The following TSPAN9 variants were observed in gnomAD, a reference collection of about 807,000 sequenced individuals.
TSPAN9 encodes the protein tetraspanin 9, also known as tetraspanin-9.
Under a neutral mutation model 31.0 loss-of-function variants are expected in TSPAN9, and 16 were observed. That is an observed-to-expected ratio of 0.52 (90% CI 0.35 to 0.78). TSPAN9 has a LOEUF of 0.78. Among genes scored for constraint, TSPAN9 ranks in the 30% least tolerant of loss-of-function variants. TSPAN9 has a pLI of 0.01. For synonymous variants in TSPAN9, 145 were observed against 121.6 expected (o/e 1.19, Z -1.27); for missense variants, 272 against 312.5 (o/e 0.87, Z 0.98).
At chr12:3,204,892 G>A (rs879453586) in intron 3 of TSPAN9, among the ~76,000 whole-genome samples, 5 of 152,168 alleles carry the variant, frequency 3.3e-5, no homozygotes, top group Non-Finnish European at 7.3e-5. Context: ...GGGTCCTCCT[G>A]GGGCCATCTG....
At chr12:3,215,076 C>T (rs2098380675) in intron 3 of TSPAN9, among the ~76,000 whole-genome samples, 1 of 152,108 alleles carries the variant, frequency 6.6e-6, no homozygotes, top group Admixed American at 6.5e-5. Context: ...ATACCCTTCC[C>T]ACCCCCATCC....
chr12:3,224,593 C>G (rs890373235), intron 3 of TSPAN9, among the ~76,000 whole-genome samples: 1 of 152,188 alleles, frequency 6.6e-6, no homozygotes, highest in African/African-American at 2.4e-5. Context: ...GACCCCTGGA[C>G]CGTGTATCTG....
chr12:3,228,191 A>C (rs1178274316), intron 3 of TSPAN9, among the ~76,000 whole-genome samples: 1 of 152,126 alleles, frequency 6.6e-6, no homozygotes, highest in Non-Finnish European at 1.5e-5. Flanking sequence ...TCTACAAAAA[A>C]ATATAGAAAA....
chr12:3,277,095 C>T (rs190527464), intron 3 of TSPAN9, among the ~76,000 whole-genome samples: 1 of 152,310 alleles, frequency 6.6e-6, no homozygotes, highest in East Asian at 1.9e-4. Flanking sequence ...CGGAGCTGGC[C>T]ACCCACTTCA....
At chr12:3,217,352 C>T (rs576669847) in intron 3 of TSPAN9, among the ~76,000 whole-genome samples, 55 of 152,286 alleles carry the variant, frequency 3.6e-4, no homozygotes, top group African/African-American at 1.3e-3. Flanking sequence ...TGGTCAGAGA[C>T]ACCCTCAGCT....
rs575677737 is a variant in TSPAN9, at chr12:3,175,360, G to A, written c.-17-25817G>A. Among the ~76,000 whole-genome samples the A allele has an allele frequency of 5.3e-5, 8 of 152,340 alleles. No homozygotes were observed. In the South Asian group the frequency reaches 1.2e-3, roughly 24 times the overall value. Reference sequence around the variant, plus strand: ...GAGAAGGAGGTGGAGGTCAGCGCCCGGCAGGGGCCTGCCAAGCTGTGGCAG... The same window carrying A: ...GAGAAGGAGGTGGAGGTCAGCGCCCAGCAGGGGCCTGCCAAGCTGTGGCAG... On this transcript the variant is annotated intron_variant, in intron 2 of 8. Transcript: ENST00000011898.
intron 2 of TSPAN9, among the ~76,000 whole-genome samples, chr12:3,122,222 T>C (rs2098325438): frequency 6.6e-6 from 1 of 151,670 alleles, no homozygotes; most frequent in Non-Finnish European, 1.5e-5. Context: ...TAGTCCTAGC[T>C]ACTCAGGAGG....
At chr12:3,272,277 C>T (rs1442488308) in intron 3 of TSPAN9, among the ~76,000 whole-genome samples, 6 of 152,072 alleles carry the variant, frequency 3.9e-5, no homozygotes, top group Non-Finnish European at 5.9e-5. Context: ...GTGGGGAAGA[C>T]GGGGTGAAGA....
chr12:3,230,459 G>A (rs2098390100), intron 3 of TSPAN9, among the ~76,000 whole-genome samples: 1 of 152,062 alleles, frequency 6.6e-6, no homozygotes, highest in African/African-American at 2.4e-5. Context: ...CACCAAGAAG[G>A]TAGTGTTTTC....
rs1402462390 is a variant in TSPAN9 at position 3,170,391 on chromosome 12, A to T, written c.-17-30786A>T. The stretch of plus-strand genomic sequence containing the variant: ...CTACGGCTAGCTTGCTCCAGATAGC[A>T]TGTAGCATAGGATTCCACATGTAAT... On this transcript the variant is annotated intron_variant, in intron 2 of 8. Coordinates refer to ENST00000011898, the MANE Select transcript of TSPAN9 (RefSeq NM_006675.5). This position sits in a 1 kb window ranked among gnomAD's most constrained non-coding sequence, Gnocchi z 4.4. Among the ~76,000 whole-genome samples, 1 of 152,260 alleles carries T rather than the reference A, an allele frequency of 6.6e-6. No homozygotes were observed. Among genetic ancestry groups the T allele is most frequent in the Non-Finnish European group, 1.5e-5 (1 of 68,046 alleles).
At chr12:3,208,033 C>T (rs2098376264) in intron 3 of TSPAN9, among the ~76,000 whole-genome samples, 1 of 152,234 alleles carries the variant, frequency 6.6e-6, no homozygotes. Flanking sequence ...CTGAGGCCTG[C>T]AGGAGGTGCT....
chr12:3,190,510 T>TA (rs768887802), intron 2 of TSPAN9, among the ~76,000 whole-genome samples: 1 of 152,246 alleles, frequency 6.6e-6, no homozygotes, highest in South Asian at 2.1e-4. Context: ...CAGTGGCTCT[T>TA]ACTCCAGGCC....
chr12:3,214,661 A>G (rs2098380411), intron 3 of TSPAN9, among the ~76,000 whole-genome samples: 1 of 150,566 alleles, frequency 6.6e-6, no homozygotes, highest in Admixed American at 6.6e-5. Context: ...AGTTGATTTG[A>G]ACACGCCCTC....
intron 2 of TSPAN9, among the ~76,000 whole-genome samples, chr12:3,139,289 T>G (rs2098333611): frequency 6.6e-6 from 1 of 152,176 alleles, no homozygotes; most frequent in African/African-American, 2.4e-5. Context: ...GTTGGTGAGC[T>G]GTGGTTTTCA....
intron 2 of TSPAN9, among the ~76,000 whole-genome samples, chr12:3,093,305 G>A (rs145013868): frequency 1.3e-5 from 2 of 152,170 alleles, no homozygotes; most frequent in East Asian, 3.9e-4. Context: ...GGCCAGGCGT[G>A]GGGGGCAGTA....
chr12:3,185,552 C>A (rs548488789), intron 2 of TSPAN9, among the ~76,000 whole-genome samples: 1 of 152,168 alleles, frequency 6.6e-6, no homozygotes, highest in African/African-American at 2.4e-5. Context: ...TGACCAGTCT[C>A]CCCCTTCGGA....
chr12:3,139,302 AG>A (rs2098333626), intron 2 of TSPAN9, among the ~76,000 whole-genome samples: 1 of 152,164 alleles, frequency 6.6e-6, no homozygotes. Context: ...GGTTTTCAGC[AG>A]GTGGCTGAGT....
chr12:3,171,288 T>G (rs1308303378), intron 2 of TSPAN9, among the ~76,000 whole-genome samples: 1 of 152,152 alleles, frequency 6.6e-6, no homozygotes, highest in African/African-American at 2.4e-5. Context: ...ATAGGAGGGC[T>G]TGTTTGTTTT....
intron 3 of TSPAN9, among the ~76,000 whole-genome samples, chr12:3,235,031 G>A (rs1388688066): frequency 4.0e-5 from 6 of 148,804 alleles, no homozygotes; most frequent in African/African-American, 7.4e-5. Flanking sequence ...GCCGGGCGTG[G>A]TGGTGGGCGC....
Sources: allele counts gnomAD v4.1 joint callset (sites outside exome capture counted in the v4.1 genomes callset), GRCh38; gene constraint gnomAD v4.1.1; non-coding constraint Gnocchi (gnomAD v3.1); transcripts MANE v1.5; gene names NCBI Gene and HGNC (gene_info 2026-07-23, HGNC 2026-07-21).